ENOX1: variants seen among roughly 807,000 people sequenced by gnomAD.
ENOX1 encodes the protein candidate growth-related and time keeping constitutive hydroquinone (NADH) oxidase.
Under a neutral mutation model 82.5 loss-of-function variants are expected in ENOX1, and 42 were observed. The ratio of observed to expected loss-of-function variants is 0.51; its 90% CI spans 0.40 to 0.66. The LOEUF is 0.66. ENOX1 is among the 30% of genes least tolerant of loss of function. ENOX1 has a pLI of 0.00. For synonymous variants in ENOX1, 271 were observed against 282.2 expected (o/e 0.96, Z 0.40); for missense variants, 608 against 811.6 (o/e 0.75, Z 3.05).
In ENOX1 at chr13:43,344,591, A is replaced by G. The variant is rs1227280870; in HGVS notation, c.983T>C (p.Met328Thr). The G allele has an allele frequency of 1.2e-6, 2 of 1,614,160 alleles. No individual in the cohort carries two copies. The highest frequency in any genetic ancestry group is 1.7e-6 in the Non-Finnish European group (2 of 1,180,024). The change falls in exon 9 of 17, where the codon ATG becomes ACG. Residue 328 changes from methionine to threonine, a missense_variant. Coordinates refer to ENST00000690772, the MANE Select transcript of ENOX1 (RefSeq NM_001347969.2). ...MNEKATHEQE[M>T]EEAKENFKNA... Reference sequence around the variant, plus strand: ...TTTAAAATTCTCCTTGGCTTCCTCCATCTCTTGCTCATGGGTGGCTTTTTC... The same window carrying G: ...TTTAAAATTCTCCTTGGCTTCCTCCGTCTCTTGCTCATGGGTGGCTTTTTC...
intron 2 of ENOX1, among the ~76,000 whole-genome samples, chr13:43,625,258 A>G (rs1257036680): frequency 6.6e-6 from 1 of 151,970 alleles, no homozygotes; most frequent in Non-Finnish European, 1.5e-5. Context: ...GGATTTTTTT[A>G]TAGATTCTTT....
chr13:43,259,527 G>T (rs1296420467), intron 14 of ENOX1, among the ~76,000 whole-genome samples: 1 of 152,184 alleles, frequency 6.6e-6, no homozygotes, highest in Non-Finnish European at 1.5e-5. Context: ...GGAGTGCAGT[G>T]GTGCGATCTC....
intron 12 of ENOX1, among the ~76,000 whole-genome samples, chr13:43,287,712 A>AT (rs1354911996): frequency 6.6e-6 from 1 of 152,222 alleles, no homozygotes; most frequent in East Asian, 1.9e-4. Flanking sequence ...GCTAAAAAAC[A>AT]TATAAGGAGG....
intron 3 of ENOX1, among the ~76,000 whole-genome samples, chr13:43,446,561 G>A (rs1022224155): frequency 1.3e-5 from 2 of 152,010 alleles, no homozygotes; most frequent in East Asian, 3.9e-4. Context: ...GTTAACCTGC[G>A]TTGATCTCTC....
At chr13:43,284,501 T>A (rs537083584) in intron 12 of ENOX1, among the ~76,000 whole-genome samples, 2 of 152,266 alleles carry the variant, frequency 1.3e-5, no homozygotes, top group East Asian at 3.9e-4. Context: ...TGATACCTGG[T>A]TTAAAATAAA....
chr13:43,779,949 G>A (rs1019312129), intron 1 of ENOX1, among the ~76,000 whole-genome samples: 3 of 152,158 alleles, frequency 2.0e-5, no homozygotes, highest in East Asian at 1.9e-4. Flanking sequence ...GAAGTCAGGA[G>A]ATCGAGACCA....
chr13:43,648,652 A>C (rs2084010916), intron 2 of ENOX1, among the ~76,000 whole-genome samples: 1 of 152,168 alleles, frequency 6.6e-6, no homozygotes, highest in African/African-American at 2.4e-5. Context: ...GTTTTTGAGA[A>C]ATTGATATGA....
At chr13:43,247,119 C>A (rs2043121515) in intron 14 of ENOX1, among the ~76,000 whole-genome samples, 1 of 152,042 alleles carries the variant, frequency 6.6e-6, no homozygotes, top group South Asian at 2.1e-4. Flanking sequence ...GTCAGGAGAC[C>A]AGCCTGACCA....
chr13:43,398,803 C>CTTT (rs537591506), intron 5 of ENOX1, among the ~76,000 whole-genome samples: 2 of 140,424 alleles, frequency 1.4e-5, no homozygotes, highest in East Asian at 2.1e-4. Context: ...ATTTCTTCTT[C>CTTT]TTTTTTTTTT....
rs533954056 is a variant in ENOX1 at position 43,271,815 on chromosome 13, T to C, written c.1447-2238A>G. On this transcript the variant is annotated intron_variant, in intron 12 of 16. Coordinates refer to ENST00000690772, the MANE Select transcript of ENOX1 (RefSeq NM_001347969.2). Reference sequence around the variant, plus strand: ...TCTTCCCTCTCATCAGTGCTTCCTTTTCTTCTTATGTGTCAGTGATGTAGT... The same window carrying C: ...TCTTCCCTCTCATCAGTGCTTCCTTCTCTTCTTATGTGTCAGTGATGTAGT... Among the ~76,000 whole-genome samples, 7 of 152,308 alleles carry C rather than the reference T, an allele frequency of 4.6e-5. No individual in the cohort carries two copies. In the South Asian group the frequency reaches 1.5e-3, roughly 32 times the overall value.
At chr13:43,351,290 T>C (rs1042802889) in intron 8 of ENOX1, among the ~76,000 whole-genome samples, 10 of 152,160 alleles carry the variant, frequency 6.6e-5, no homozygotes, top group African/African-American at 2.4e-4. Flanking sequence ...AAAACACACA[T>C]GCAATCTCCT....
At chr13:43,608,407 C>T (rs1336328735) in intron 2 of ENOX1, among the ~76,000 whole-genome samples, 20 of 152,162 alleles carry the variant, frequency 1.3e-4, no homozygotes, top group Admixed American at 1.3e-3. Context: ...CAAGGAATCG[C>T]CAATCCAATG....
At chr13:43,423,080 TC>T (rs1423360046) in intron 3 of ENOX1, among the ~76,000 whole-genome samples, 1 of 152,146 alleles carries the variant, frequency 6.6e-6, no homozygotes, top group Non-Finnish European at 1.5e-5. Context: ...AGTTTTAAAG[TC>T]TTTGTATAGG....
At chr13:43,613,910 G>T (rs567400597) in intron 2 of ENOX1, among the ~76,000 whole-genome samples, 1 of 151,790 alleles carries the variant, frequency 6.6e-6, no homozygotes, top group Non-Finnish European at 1.5e-5. Context: ...TTCCAGCTTG[G>T]GCTACAAAAT....
chr13:43,340,913 C>A (rs1191998196), intron 9 of ENOX1, among the ~76,000 whole-genome samples: 3 of 152,192 alleles, frequency 2.0e-5, no homozygotes, highest in African/African-American at 7.2e-5. Context: ...ATATTGATGT[C>A]TCTTCCTTTG....
intron 3 of ENOX1, among the ~76,000 whole-genome samples, chr13:43,470,285 T>TATATATATAC (rs1249787182): frequency 1.1e-4 from 4 of 35,004 alleles, no homozygotes; most frequent in Non-Finnish European, 2.9e-4. Context: ...TATATATACA[T>TATATATATAC]ATATATATAC....
intron 1 of ENOX1, among the ~76,000 whole-genome samples, chr13:43,705,362 T>C (rs9316054): frequency 1.4e-5 from 2 of 146,210 alleles, no homozygotes; most frequent in Non-Finnish European, 3.0e-5. Context: ...TATATATATA[T>C]GTAACACTCC....
At chr13:43,666,046 T>C (rs1250156941) in intron 2 of ENOX1, among the ~76,000 whole-genome samples, 5 of 151,810 alleles carry the variant, frequency 3.3e-5, no homozygotes, top group Admixed American at 1.3e-4. Context: ...CACTATACTA[T>C]ACTCTATTAA....
intron 1 of ENOX1, among the ~76,000 whole-genome samples, chr13:43,707,313 G>A (rs1198569662): frequency 1.3e-5 from 2 of 152,222 alleles, no homozygotes; most frequent in South Asian, 2.1e-4. Context: ...ACATTAAACC[G>A]TGACCTGCCC....
Sources: allele counts gnomAD v4.1 joint callset (sites outside exome capture counted in the v4.1 genomes callset), GRCh38; gene constraint gnomAD v4.1.1; transcripts MANE v1.5; gene names NCBI Gene and HGNC (gene_info 2026-07-23, HGNC 2026-07-21).